STXBP5L: variants seen among roughly 807,000 people sequenced by gnomAD.
STXBP5L encodes the protein syntaxin binding protein 5L.
Under a neutral mutation model 144.5 loss-of-function variants are expected in STXBP5L, and 65 were observed. That is an observed-to-expected ratio of 0.45 (90% CI 0.37 to 0.55). STXBP5L has a LOEUF of 0.55. Ranked by LOEUF, STXBP5L falls within the 20% of genes least tolerant of loss-of-function variation. The pLI is 0.00. For synonymous variants in STXBP5L, 505 were observed against 469.6 expected, an observed-to-expected ratio of 1.08 and a Z score of -0.97; for missense variants, 1,298 against 1,405.5, an observed-to-expected ratio of 0.92 and a Z score of 1.22.
intron 3 of STXBP5L, among the ~76,000 whole-genome samples, chr3:121,024,922 T>G (rs906402787): frequency 4.6e-5 from 7 of 152,188 alleles, no homozygotes; most frequent in African/African-American, 1.7e-4. Context: ...GAAAAATCAC[T>G]TAATTTCTCA....
In STXBP5L at chr3:120,943,417, A is replaced by C. The variant is rs117897338; in HGVS notation, c.190-11523A>C. Among the ~76,000 whole-genome samples, 168 of 151,782 alleles carry C rather than the reference A, an allele frequency of 1.1e-3. 1 individual carries two copies. In the East Asian group the frequency reaches 0.03, roughly 27 times the overall value. On this transcript the variant is annotated intron_variant, in intron 2 of 26. Coordinates refer to ENST00000471454, the MANE Select transcript of STXBP5L (RefSeq NM_001308330.2). ...AGCAGTTAGAAGTTCTCACAATTTG[A>C]AGGCTAGGGTCTGGAAAACTCAAAA...
intron 3 of STXBP5L, among the ~76,000 whole-genome samples, chr3:120,979,160 C>T (rs1004507456): frequency 1.3e-5 from 2 of 152,202 alleles, no homozygotes; most frequent in Admixed American, 6.5e-5. Flanking sequence ...GTGGAGCCTA[C>T]AGAGGCAGGC....
intron 5 of STXBP5L, among the ~76,000 whole-genome samples, chr3:121,060,168 G>C (rs927937400): frequency 1.3e-5 from 2 of 152,142 alleles, no homozygotes; most frequent in African/African-American, 2.4e-5. Context: ...TTTACTGAGT[G>C]TTTTTAGCAT....
chr3:120,967,415 T>C (rs1422549965), intron 3 of STXBP5L, among the ~76,000 whole-genome samples: 1 of 152,202 alleles, frequency 6.6e-6, no homozygotes, highest in Non-Finnish European at 1.5e-5. Flanking sequence ...GAGTTGTTCC[T>C]ATTCGGCCAT....
intron 5 of STXBP5L, among the ~76,000 whole-genome samples, chr3:121,113,898 T>G (rs763540619): frequency 2.6e-5 from 4 of 152,058 alleles, no homozygotes; most frequent in Non-Finnish European, 5.9e-5. Context: ...GGTCTTGATC[T>G]CTTGACCTCA....
intron 19 of STXBP5L, among the ~76,000 whole-genome samples, chr3:121,287,764 G>C (rs1490562499): frequency 6.6e-6 from 1 of 152,030 alleles, no homozygotes; most frequent in African/African-American, 2.4e-5. Context: ...AGGAGGCAGA[G>C]GTTGCAGTGA....
chr3:121,380,629 A>G (rs2046302861), intron 21 of STXBP5L, among the ~76,000 whole-genome samples: 1 of 152,096 alleles, frequency 6.6e-6, no homozygotes, highest in Admixed American at 6.6e-5. Flanking sequence ...ACTCTCAGAA[A>G]GATTACCACT....
At chr3:121,398,593 C>T (rs998705338) in intron 22 of STXBP5L, among the ~76,000 whole-genome samples, 9 of 152,222 alleles carry the variant, frequency 5.9e-5, no homozygotes, top group East Asian at 3.9e-4. Flanking sequence ...CCTTATCTGG[C>T]GGCCTGACTT....
rs939407840 is a variant in STXBP5L at position 121,006,512 on chromosome 3, A to G, written c.288-35188A>G. 8.5e-5 allele frequency among the ~76,000 whole-genome samples: 13 copies of G among 152,246 alleles called. No individual in the cohort carries two copies. In the East Asian group the frequency reaches 1.5e-3, roughly 18 times the overall value. ...GGATCTTGACTCTATCCACTTTGCC[A>G]GTCCGTGTCTTTTAATTGGGGCATT... On this transcript the variant is annotated intron_variant, in intron 3 of 26. Coordinates refer to ENST00000471454, the MANE Select transcript of STXBP5L (RefSeq NM_001308330.2).
intron 3 of STXBP5L, among the ~76,000 whole-genome samples, chr3:120,995,053 A>T (rs940858490): frequency 5.3e-5 from 8 of 152,152 alleles, no homozygotes; most frequent in African/African-American, 1.9e-4. Flanking sequence ...TACTTTTAAA[A>T]ATTGATATAT....
At chr3:121,335,278 T>C (rs1203102521) in intron 20 of STXBP5L, among the ~76,000 whole-genome samples, 1 of 152,044 alleles carries the variant, frequency 6.6e-6, no homozygotes, top group African/African-American at 2.4e-5. Context: ...ACAATGAAAT[T>C]ACAAAACACT....
At chr3:120,915,587 CT>C (rs1273075287) in intron 2 of STXBP5L, among the ~76,000 whole-genome samples, 1 of 151,892 alleles carries the variant, frequency 6.6e-6, no homozygotes, top group Admixed American at 6.6e-5. Context: ...CAGTTATTTT[CT>C]TTTTTAGTCT....
At chr3:121,062,482 G>A (rs908768329) in intron 5 of STXBP5L, among the ~76,000 whole-genome samples, 1 of 152,078 alleles carries the variant, frequency 6.6e-6, no homozygotes, top group Admixed American at 6.5e-5. Flanking sequence ...ATGTGTCTTG[G>A]GATTGCTTTT....
chr3:121,119,740 C>A (rs1028326752), intron 6 of STXBP5L, among the ~76,000 whole-genome samples: 1 of 151,030 alleles, frequency 6.6e-6, no homozygotes, highest in East Asian at 1.9e-4. Context: ...GAAGAAATAC[C>A]CCAAAATGTT....
chr3:121,199,373 G>A (rs2048048508), intron 9 of STXBP5L, among the ~76,000 whole-genome samples: 1 of 152,134 alleles, frequency 6.6e-6, no homozygotes, highest in South Asian at 2.1e-4. Context: ...AGCTTAAGGA[G>A]ATTTTGGGCT....
intron 15 of STXBP5L, among the ~76,000 whole-genome samples, chr3:121,251,366 A>G (rs908700229): frequency 1.3e-5 from 2 of 152,224 alleles, no homozygotes; most frequent in East Asian, 3.9e-4. Flanking sequence ...AGGGAAAACA[A>G]TATAAGAACT....
At chr3:120,938,197 A>C (rs752147115) in intron 2 of STXBP5L, among the ~76,000 whole-genome samples, 4 of 152,062 alleles carry the variant, frequency 2.6e-5, no homozygotes, top group Non-Finnish European at 5.9e-5. Context: ...AATGGGATTG[A>C]TACATTCTTC....
intron 3 of STXBP5L, among the ~76,000 whole-genome samples, chr3:121,001,177 C>G (rs1430293993): frequency 6.6e-6 from 1 of 152,150 alleles, no homozygotes; most frequent in Non-Finnish European, 1.5e-5. Context: ...ACTGGCATAG[C>G]CATTGGGGAG....
intron 6 of STXBP5L, among the ~76,000 whole-genome samples, chr3:121,119,719 G>A (rs529099566): frequency 8.6e-5 from 13 of 151,200 alleles, no homozygotes; most frequent in African/African-American, 3.1e-4. Context: ...TTAATGTTAG[G>A]GAACAAGCCA....
Sources: gnomAD v4.1 joint callset for allele counts (sites outside exome capture counted in the v4.1 genomes callset) on GRCh38, gnomAD v4.1.1 for gene constraint, MANE v1.5 for transcripts, NCBI Gene and HGNC (gene_info 2026-07-23, HGNC 2026-07-21) for gene names.